The following SNX29 variants were observed in gnomAD, a reference collection of about 807,000 sequenced individuals.
SNX29 encodes the protein sorting nexin-29.
A neutral mutation model predicts 102.1 loss-of-function variants in SNX29; 78 were observed. The ratio of observed to expected loss-of-function variants is 0.76; its 90% CI spans 0.64 to 0.92. The LOEUF (loss-of-function observed/expected upper bound fraction) is 0.92. Ranked by LOEUF, SNX29 falls within the 40% of genes least tolerant of loss-of-function variation. SNX29 has a pLI of 0.00. For synonymous variants in SNX29, 580 were observed against 414.5 expected (o/e 1.40, Z -4.85); for missense variants, 1,280 against 1,061.7 (o/e 1.21, Z -2.86).
Position 12,524,708 on chromosome 16 carries a change from A to G in SNX29, c.2185A>G (p.Lys729Glu). Residue 729 changes from lysine to glutamate, a missense_variant, in exon 20 of 21, where the codon AAG becomes GAG. Physicochemically the swap from Lys to Glu is moderately conservative, Grantham distance 56. Coordinates refer to ENST00000566228, the MANE Select transcript of SNX29 (RefSeq NM_032167.5). ...PKKAIGNKDA[K>E]FVEERRKQLQ... ...ATGTTTTGTGTTTCCTCAGGATGCC[A>G]AGTTTGTGGAGGAACGGAGAAAGCA... 1 of 1,613,162 alleles carries G rather than the reference A, an allele frequency of 6.2e-7. No individual in the cohort carries two copies. Among genetic ancestry groups the G allele is most frequent in the Non-Finnish European group, 8.5e-7 (1 of 1,179,502 alleles).
intron 11 of SNX29, among the ~76,000 whole-genome samples, chr16:12,111,614 G>T (rs1374020945): frequency 1.3e-5 from 2 of 152,222 alleles, no homozygotes; most frequent in Non-Finnish European, 2.9e-5. Context: ...CAGGCAGCAA[G>T]GAGAATGGGT....
chr16:12,447,522 G>A (rs1014038919), intron 18 of SNX29, among the ~76,000 whole-genome samples: 2 of 152,148 alleles, frequency 1.3e-5, no homozygotes, highest in African/African-American at 2.4e-5. Flanking sequence ...AAACCACCCG[G>A]ACAGAGCCGA....
At chr16:12,524,472 T>G (rs1209305157) in intron 19 of SNX29, among the ~76,000 whole-genome samples, 1 of 151,636 alleles carries the variant, frequency 6.6e-6, no homozygotes, top group Non-Finnish European at 1.5e-5. Flanking sequence ...ACACACCAGA[T>G]AGAGGTCTTG....
chr16:12,293,369 G>A (rs1454182612), intron 15 of SNX29, among the ~76,000 whole-genome samples: 1 of 152,214 alleles, frequency 6.6e-6, no homozygotes, highest in African/African-American at 2.4e-5. Flanking sequence ...CAGAGCTGAC[G>A]TCTGGACCCA....
chr16:12,342,692 C>G (rs774398615), intron 15 of SNX29, among the ~76,000 whole-genome samples: 6 of 152,200 alleles, frequency 3.9e-5, no homozygotes, highest in Non-Finnish European at 7.3e-5. Flanking sequence ...CACCATTTTT[C>G]AGATGCAGAA....
At chr16:12,373,742 C>G (rs1238571502) in intron 16 of SNX29, 4 of 152,174 alleles carry the variant, frequency 2.6e-5, no homozygotes, top group Admixed American at 2.6e-4. Flanking sequence ...AGCATCCTGA[C>G]TACCGATGCC....
intron 18 of SNX29, among the ~76,000 whole-genome samples, chr16:12,415,246 T>G (rs531344639): frequency 9.8e-5 from 15 of 152,344 alleles, no homozygotes; most frequent in African/African-American, 3.4e-4. Flanking sequence ...GTATAAGCGC[T>G]GTACAAGCGC....
intron 4 of SNX29, among the ~76,000 whole-genome samples, chr16:12,029,373 A>G (rs543874002): frequency 6.6e-6 from 1 of 152,238 alleles, no homozygotes; most frequent in African/African-American, 2.4e-5. Flanking sequence ...GCTACAGGGA[A>G]AGTGATTAAT....
intron 13 of SNX29, among the ~76,000 whole-genome samples, chr16:12,192,349 T>C (rs1027402843): frequency 1.3e-5 from 2 of 152,196 alleles, no homozygotes; most frequent in African/African-American, 4.8e-5. Flanking sequence ...CTTGTCTCCA[T>C]GTGCACGGCT....
intron 1 of SNX29, among the ~76,000 whole-genome samples, chr16:11,997,029 TA>T (rs1310847766): frequency 1.1e-4 from 16 of 152,234 alleles, no homozygotes; most frequent in African/African-American, 3.9e-4. Context: ...ATTGTGGTCC[TA>T]ACACAGGCTT....
intron 20 of SNX29, among the ~76,000 whole-genome samples, chr16:12,534,782 T>C (rs1280324055): frequency 6.6e-6 from 1 of 152,180 alleles, no homozygotes; most frequent in East Asian, 1.9e-4. Flanking sequence ...CCTCTGGTTT[T>C]TAACTAAGGG....
chr16:12,158,825 G>C (rs1235409691), intron 13 of SNX29, among the ~76,000 whole-genome samples: 2 of 152,200 alleles, frequency 1.3e-5, no homozygotes, highest in Non-Finnish European at 2.9e-5. Flanking sequence ...GTGAAATGGG[G>C]GAACCCTTAG....
intron 3 of SNX29, among the ~76,000 whole-genome samples, chr16:12,024,712 C>T (rs185073424): frequency 3.9e-5 from 6 of 152,290 alleles, no homozygotes; most frequent in Non-Finnish European, 8.8e-5. Flanking sequence ...TCTTAGGGCC[C>T]TGGTTTTATC....
intron 16 of SNX29, among the ~76,000 whole-genome samples, chr16:12,365,647 C>T (rs1479671484): frequency 2.0e-5 from 3 of 149,728 alleles, no homozygotes; most frequent in African/African-American, 7.4e-5. Flanking sequence ...GCCGAGATCA[C>T]GCAACTACAC....
chr16:12,141,286 T>C (rs2054859641), intron 13 of SNX29, among the ~76,000 whole-genome samples: 1 of 152,230 alleles, frequency 6.6e-6, no homozygotes, highest in African/African-American at 2.4e-5. Context: ...TAGGCTGATC[T>C]TGGTTGTGTG....
intron 16 of SNX29, among the ~76,000 whole-genome samples, chr16:12,388,665 G>A (rs1305593045): frequency 1.1e-4 from 16 of 152,326 alleles, no homozygotes; most frequent in African/African-American, 3.8e-4. Flanking sequence ...GGCTGAGTGG[G>A]ACTGTGTTCC....
At chr16:12,065,868 C>G (rs1342916614) in intron 9 of SNX29, among the ~76,000 whole-genome samples, 1 of 152,114 alleles carries the variant, frequency 6.6e-6, no homozygotes, top group African/African-American at 2.4e-5. Context: ...AACCTTTGCA[C>G]TTGTTAGTTC....
chr16:12,327,553 G>T (rs1262925555), intron 15 of SNX29, among the ~76,000 whole-genome samples: 1 of 152,130 alleles, frequency 6.6e-6, no homozygotes, highest in Non-Finnish European at 1.5e-5. Context: ...GTCGTGTTGG[G>T]TTAGGGCCCA....
chr16:12,529,807 G>A (rs1030840382), intron 20 of SNX29, among the ~76,000 whole-genome samples: 8 of 152,190 alleles, frequency 5.3e-5, no homozygotes, highest in African/African-American at 1.7e-4. Context: ...CCTGACCTGT[G>A]CACTGCCAGG....
Sources: allele counts gnomAD v4.1 joint callset (sites outside exome capture counted in the v4.1 genomes callset), GRCh38; gene constraint gnomAD v4.1.1; transcripts MANE v1.5; gene names NCBI Gene and HGNC (gene_info 2026-07-23, HGNC 2026-07-21).